DNAH7: variants seen among roughly 807,000 people sequenced by gnomAD.
DNAH7 encodes dynein axonemal heavy chain 7, also known as axonemal beta dynein heavy chain 7.
In DNAH7, 397 loss-of-function variants were observed where a neutral mutation model predicts 444.6. The ratio of observed to expected loss-of-function variants is 0.89; its 90% CI spans 0.82 to 0.97. The LOEUF (loss-of-function observed/expected upper bound fraction) is 0.97, where lower values mean the gene tolerates loss of function less well. DNAH7 is among the 50% of genes least tolerant of loss of function. The probability of loss-of-function intolerance (pLI) is 0.00; values close to 1 mark genes in which losing one functional copy is unlikely to be tolerated. For synonymous variants in DNAH7, 1,636 were observed against 1,624.4 expected (o/e 1.01, Z -0.17); for missense variants, 4,902 against 4,800.8 (o/e 1.02, Z -0.62).
At chr2:195,803,680 T>C (rs1696578594) in intron 54 of DNAH7, among the ~76,000 whole-genome samples, 1 of 152,240 alleles carries the variant, frequency 6.6e-6, no homozygotes, top group Non-Finnish European at 1.5e-5. Flanking sequence ...ATGTATGTTT[T>C]GCTATTTATT....
intron 42 of DNAH7, 37 bp downstream of exon 42, chr2:195,861,680 C>T (rs747698842): frequency 1.4e-6 from 2 of 1,455,958 alleles, no homozygotes; most frequent in South Asian, 1.2e-5. Context: ...TTTTTAATTG[C>T]CATAGCTTAC....
At chr2:195,973,840 G>A (rs1167023235) in intron 15 of DNAH7, among the ~76,000 whole-genome samples, 1 of 151,982 alleles carries the variant, frequency 6.6e-6, no homozygotes, top group East Asian at 1.9e-4. Flanking sequence ...GTAACCCTAG[G>A]CTTTTGTGAG....
intron 19 of DNAH7, among the ~76,000 whole-genome samples, chr2:195,951,831 C>T (rs1447218033): frequency 6.6e-6 from 1 of 152,002 alleles, no homozygotes; most frequent in Non-Finnish European, 1.5e-5. Context: ...TGTGCCTGCA[C>T]ATGAGATGGG....
rs778435892 is a variant in DNAH7 at position 195,738,027 on chromosome 2, G to A, written c.11969C>T (p.Thr3990Ile). ...TSERRGVLST[T>I]GHSTNFVIAM... ...AATCACAAAATTCGTGGAATGGCCAGTGGTGGATAATACTCCTCTCCGCTC... is the reference window on the plus strand; with the variant it reads ...AATCACAAAATTCGTGGAATGGCCAATGGTGGATAATACTCCTCTCCGCTC... The change falls in exon 65 of 65, where the codon ACT becomes ATT. Residue 3990 changes from threonine (T) to isoleucine (I), a missense_variant. Coordinates refer to ENST00000312428, the MANE Select transcript of DNAH7 (RefSeq NM_018897.3). 3.7e-6 allele frequency: 6 copies of A among 1,613,942 alleles called. No individual in the cohort carries two copies. In the African/African-American group the frequency reaches 5.3e-5, roughly 14 times the overall value.
chr2:195,853,314 T>C, intron 46 of DNAH7, 29 bp downstream of exon 46: 1 of 1,592,392 alleles, frequency 6.3e-7, no homozygotes, highest in Non-Finnish European at 8.6e-7. Context: ...GGGCAGAGGG[T>C]CAGGAAGAGA....
At position 195,986,920 on chromosome 2, in the gene DNAH7, TAAAGC is replaced by T. The variant is rs1692948729; in HGVS notation, c.1754+141_1754+145del. 9 of 750,290 alleles carry T rather than the reference TAAAGC, an allele frequency of 1.2e-5. No homozygotes were observed. The South Asian group carries it at 2.9e-4, about 24-fold the overall frequency. 46.5% of individuals were successfully genotyped at this position (750,290 alleles called of 1,614,324 possible). A position where few individuals can be genotyped will look rare whatever the true frequency, so the allele number is the denominator to read the frequency against. On this transcript the variant is annotated intron_variant, in intron 14 of 64. Coordinates refer to ENST00000312428, the MANE Select transcript of DNAH7 (RefSeq NM_018897.3). The stretch of plus-strand genomic sequence containing the variant: ...AATAATCACATCACAAAGTGACACT[TAAAGC>T]CAAGCAGAAATAAGTTTAGCATAAT...
chr2:195,963,996 G>A (rs139830555), intron 17 of DNAH7, among the ~76,000 whole-genome samples: 1 of 152,256 alleles, frequency 6.6e-6, no homozygotes, highest in Non-Finnish European at 1.5e-5. Context: ...GTACCATGCT[G>A]CTTTGGTTAC....
intron 2 of DNAH7, among the ~76,000 whole-genome samples, chr2:196,054,147 A>G (rs1417462082): frequency 6.6e-6 from 1 of 152,226 alleles, no homozygotes; most frequent in Non-Finnish European, 1.5e-5. Flanking sequence ...TTAAGACCAA[A>G]ATCGAAAAAG....
At chr2:195,884,481 G>GTAAA (rs1701592913) in intron 35 of DNAH7, 104 bp downstream of exon 35, 4 of 808,308 alleles carry the variant, frequency 4.9e-6, no homozygotes, top group Non-Finnish European at 8.2e-6. Context: ...GTCTCTTATG[G>GTAAA]TAAATAGTGA....
chr2:195,932,489 G>A (rs546439324), intron 21 of DNAH7, among the ~76,000 whole-genome samples: 1 of 152,120 alleles, frequency 6.6e-6, no homozygotes, highest in Non-Finnish European at 1.5e-5. Context: ...TCCCTGTCTT[G>A]TGCCAGTTTT....
At chr2:195,964,350 C>A (rs1300298835) in intron 17 of DNAH7, among the ~76,000 whole-genome samples, 1 of 152,056 alleles carries the variant, frequency 6.6e-6, no homozygotes, top group Non-Finnish European at 1.5e-5. Flanking sequence ...TTGTAGAGAT[C>A]TGTGGCTTCT....
At chr2:196,038,588 C>A (rs1300862034) in intron 5 of DNAH7, among the ~76,000 whole-genome samples, 1 of 152,066 alleles carries the variant, frequency 6.6e-6, no homozygotes, top group Admixed American at 6.5e-5. Context: ...ATGCTGCTGA[C>A]AAGAAACTCA....
chr2:196,057,962 TCAGAAA>T lies in DNAH7; in HGVS notation c.78+86_78+91del, dbSNP rs1311725770. The T allele has an allele frequency of 2.4e-5, 25 of 1,051,158 alleles. No individual in the cohort carries two copies. The African/African-American group carries it at 3.9e-4, about 16-fold the overall frequency. 65.1% of individuals were successfully genotyped at this position (1,051,158 alleles called of 1,614,324 possible). On this transcript the variant is annotated intron_variant, in intron 2 of 64. Coordinates refer to ENST00000312428, the MANE Select transcript of DNAH7 (RefSeq NM_018897.3). ...ATTTAAAATTGTATAAAATTTAAAA[TCAGAAA>T]TTCAGTAACTTACTTTCAAGCTTGA...
intron 24 of DNAH7, among the ~76,000 whole-genome samples, chr2:195,916,327 T>C (rs951761079): frequency 3.9e-5 from 6 of 152,194 alleles, no homozygotes; most frequent in Non-Finnish European, 7.3e-5. Flanking sequence ...AAAGTCACTA[T>C]TTCTTTTCTT....
At chr2:195,842,186 T>C (rs1279918550) in intron 47 of DNAH7, among the ~76,000 whole-genome samples, 2 of 152,086 alleles carry the variant, frequency 1.3e-5, no homozygotes, top group Non-Finnish European at 2.9e-5. Context: ...CCTAATCCTT[T>C]ACCCGTGAAA....
At chr2:195,925,908 T>C (rs1298737539) in intron 22 of DNAH7, among the ~76,000 whole-genome samples, 1 of 152,130 alleles carries the variant, frequency 6.6e-6, no homozygotes, top group Non-Finnish European at 1.5e-5. Context: ...AATATTAAAT[T>C]AATATATCCA....
chr2:195,938,251 CATATA>C lies in DNAH7; in HGVS notation c.3079-1464_3079-1460del, dbSNP rs371781831. Among the ~76,000 whole-genome samples, 282 of 151,384 alleles carry C rather than the reference CATATA, an allele frequency of 1.9e-3. 7 individuals carry two copies. In the South Asian group the frequency reaches 0.035, roughly 19 times the overall value. On this transcript the variant is annotated intron_variant, in intron 19 of 64. Transcript: ENST00000312428. ...CTCAATAAAACATGAATATATAAAT[CATATA>C]ATATAATTAGATCAATTTATCTTTA... is the stretch of plus-strand genomic sequence containing the variant.
chr2:195,859,718 G>C (rs1020232143), intron 42 of DNAH7, among the ~76,000 whole-genome samples: 1 of 152,164 alleles, frequency 6.6e-6, no homozygotes, highest in Admixed American at 6.6e-5. Flanking sequence ...AATTCCCTGA[G>C]TGTGCAAAAT....
chr2:195,930,326 G>C (rs943200485), intron 21 of DNAH7, among the ~76,000 whole-genome samples: 3 of 151,814 alleles, frequency 2.0e-5, no homozygotes, highest in African/African-American at 7.3e-5. Flanking sequence ...TGGTGACAGA[G>C]CGAGACACCG....
Sources: allele counts gnomAD v4.1 joint callset (sites outside exome capture counted in the v4.1 genomes callset), GRCh38; gene constraint gnomAD v4.1.1; transcripts MANE v1.5; gene names NCBI Gene and HGNC (gene_info 2026-07-23, HGNC 2026-07-21).